CDH13: variants seen among roughly 807,000 people sequenced by gnomAD.
CDH13 encodes cadherin 13.
In CDH13, 24 loss-of-function variants were observed where a neutral mutation model predicts 63.8. That is an observed-to-expected ratio of 0.38 (90% CI 0.27 to 0.53). The LOEUF is 0.53. CDH13 is among the 20% of genes least tolerant of loss of function. The pLI is 0.85. For missense variants in CDH13, 1,049 were observed against 903.1 expected (o/e 1.16, Z -2.07); for synonymous variants, 503 against 355.3 (o/e 1.42, Z -4.67).
At chr16:83,668,395 A>G (rs966435825) in intron 8 of CDH13, among the ~76,000 whole-genome samples, 12 of 152,242 alleles carry the variant, frequency 7.9e-5, no homozygotes, top group African/African-American at 2.7e-4. Flanking sequence ...AATGACACTC[A>G]TCTGCTTTGA....
At chr16:83,298,078 A>G (rs934895439) in intron 5 of CDH13, among the ~76,000 whole-genome samples, 1 of 150,266 alleles carries the variant, frequency 6.7e-6, no homozygotes, top group African/African-American at 2.5e-5. Flanking sequence ...AAGAAAAAGA[A>G]AAAAAGAAAA....
intron 1 of CDH13, among the ~76,000 whole-genome samples, chr16:82,721,889 A>G (rs149296127): frequency 3.6e-4 from 55 of 152,210 alleles, no homozygotes; most frequent in African/African-American, 1.2e-3. Context: ...CAGTTAGACT[A>G]CACTATGCTG....
intron 10 of CDH13, among the ~76,000 whole-genome samples, chr16:83,733,912 G>A (rs994676792): frequency 6.6e-6 from 1 of 152,194 alleles, no homozygotes; most frequent in Admixed American, 6.5e-5. Flanking sequence ...CTTAGGCAGA[G>A]AGCCCCCTGC....
intron 6 of CDH13, among the ~76,000 whole-genome samples, chr16:83,352,980 A>C (rs2151377296): frequency 6.6e-6 from 1 of 152,358 alleles, no homozygotes; most frequent in African/African-American, 2.4e-5. Context: ...CAGAAAGTCA[A>C]ATACTGCATG....
intron 4 of CDH13, chr16:83,180,836 A>G (rs1279147343): frequency 2.1e-6 from 3 of 1,445,618 alleles, no homozygotes; most frequent in South Asian, 1.2e-5. Context: ...TTAATCCCCA[A>G]TTTACAACAA....
At chr16:83,084,902 G>T (rs773441353) in intron 3 of CDH13, among the ~76,000 whole-genome samples, 1 of 152,088 alleles carries the variant, frequency 6.6e-6, no homozygotes, top group Non-Finnish European at 1.5e-5. Flanking sequence ...AAATAAAATA[G>T]GTTGAGTAAG....
At chr16:83,127,458 G>C (rs61154410) in intron 4 of CDH13, among the ~76,000 whole-genome samples, 4,476 of 152,296 alleles carry the variant, frequency 0.029, 177 homozygotes, top group African/African-American at 0.086. Context: ...GGACGGGCAT[G>C]GTGGTTCACG....
rs572104983 is a variant in CDH13, at chr16:82,990,978, A to G, written c.158-41032A>G. 3.9e-5 allele frequency among the ~76,000 whole-genome samples: 6 copies of G among 152,290 alleles called. No homozygotes were observed. The South Asian group carries it at 1.0e-3, about 26-fold the overall frequency. ...GCTCTGGTTTGAGAACAATTTTGAA[A>G]CCATACTCGTCTCATTGGAAAAGAG... On this transcript the variant is annotated intron_variant, in intron 2 of 13. Transcript: ENST00000567109.
At chr16:83,264,124 G>C (rs953014154) in intron 5 of CDH13, among the ~76,000 whole-genome samples, 2 of 152,210 alleles carry the variant, frequency 1.3e-5, no homozygotes, top group Admixed American at 6.5e-5. Flanking sequence ...GGCAACTGAA[G>C]TGAATCAGAG....
chr16:83,335,389 G>C (rs1439479260), intron 5 of CDH13, among the ~76,000 whole-genome samples: 1 of 102,702 alleles, frequency 9.7e-6, no homozygotes, highest in African/African-American at 3.8e-5. Flanking sequence ...TTTTGTGTGA[G>C]TCAAACACAC....
At chr16:82,671,907 G>C (rs1299181230) in intron 1 of CDH13, among the ~76,000 whole-genome samples, 2 of 152,136 alleles carry the variant, frequency 1.3e-5, no homozygotes, top group Admixed American at 6.5e-5. Flanking sequence ...CTGCTGGCCA[G>C]CATCATTTCT....
At chr16:83,585,269 A>G (rs779205070) in intron 7 of CDH13, among the ~76,000 whole-genome samples, 18 of 152,090 alleles carry the variant, frequency 1.2e-4, no homozygotes, top group Non-Finnish European at 2.4e-4. Context: ...CTCCGAATTT[A>G]TATTTGCCAT....
intron 9 of CDH13, among the ~76,000 whole-genome samples, chr16:83,672,048 A>G (rs944890551): frequency 2.0e-5 from 3 of 152,214 alleles, no homozygotes; most frequent in Non-Finnish European, 4.4e-5. Context: ...GATCAATTGT[A>G]TTTATAGTGA....
At chr16:83,309,903 C>G (rs1351814544) in intron 5 of CDH13, among the ~76,000 whole-genome samples, 1 of 151,886 alleles carries the variant, frequency 6.6e-6, no homozygotes, top group Non-Finnish European at 1.5e-5. Flanking sequence ...ATATCCCTGG[C>G]AGAATAATCC....
In CDH13 at chr16:83,761,660, C is replaced by T. The variant is rs140000098; in HGVS notation, c.1681+13410C>T. ...ACGAGAGTAGGTGACAGTCTGTTTACACCTCCATTCAGATTATAGTTCACT... is the reference window on the plus strand; with the variant it reads ...ACGAGAGTAGGTGACAGTCTGTTTATACCTCCATTCAGATTATAGTTCACT... On this transcript the variant is annotated intron_variant, in intron 11 of 13. Transcript: ENST00000567109. Among the ~76,000 whole-genome samples, 9 of 152,254 alleles carry T rather than the reference C, an allele frequency of 5.9e-5. No individual in the cohort carries two copies. In the East Asian group the frequency reaches 1.5e-3, roughly 26 times the overall value.
intron 1 of CDH13, among the ~76,000 whole-genome samples, chr16:82,796,395 G>A (rs1009412642): frequency 6.6e-6 from 1 of 152,050 alleles, no homozygotes; most frequent in Non-Finnish European, 1.5e-5. Flanking sequence ...AAATAGCCCC[G>A]ATTATTCATT....
chr16:83,576,490 G>C (rs928741111), intron 7 of CDH13, among the ~76,000 whole-genome samples: 1 of 152,156 alleles, frequency 6.6e-6, no homozygotes, highest in Non-Finnish European at 1.5e-5. Context: ...ATTTCTTTGA[G>C]TGCCTGTTTC....
At chr16:83,700,739 C>T (rs1906096279) in intron 10 of CDH13, among the ~76,000 whole-genome samples, 1 of 152,166 alleles carries the variant, frequency 6.6e-6, no homozygotes, top group African/African-American at 2.4e-5. Context: ...TTAAAAATCA[C>T]CTTTAATCCC....
chr16:83,438,897 G>A (rs975533636), intron 6 of CDH13, among the ~76,000 whole-genome samples: 1 of 152,190 alleles, frequency 6.6e-6, no homozygotes, highest in Non-Finnish European at 1.5e-5. Context: ...TAACTATTGG[G>A]AATGTTAATC....
Sources: gnomAD v4.1 joint callset for allele counts (sites outside exome capture counted in the v4.1 genomes callset) on GRCh38, gnomAD v4.1.1 for gene constraint, MANE v1.5 for transcripts, NCBI Gene and HGNC (gene_info 2026-07-23, HGNC 2026-07-21) for gene names.